The following PTCHD4 variants were observed in gnomAD, a reference collection of about 807,000 sequenced individuals.
PTCHD4 encodes patched domain containing 4, also known as patched domain-containing protein 4.
Under a neutral mutation model 58.1 loss-of-function variants are expected in PTCHD4, and 33 were observed. That is an observed-to-expected ratio of 0.57 (90% confidence interval 0.43 to 0.76). PTCHD4 has a LOEUF of 0.76. Ranked by LOEUF, PTCHD4 falls within the 30% of genes least tolerant of loss-of-function variation. PTCHD4 has a pLI of 0.00. For missense variants in PTCHD4, 1,058 were observed against 1,027.1 expected, an observed-to-expected ratio of 1.03 and a Z score of -0.41; for synonymous variants, 478 against 409.6, an observed-to-expected ratio of 1.17 and a Z score of -2.02.
chr6:47,985,151 T>A lies in PTCHD4; in HGVS notation c.898+23483A>T, dbSNP rs113785091. On this transcript the variant is annotated intron_variant, in intron 4 of 4. Coordinates refer to ENST00000339488, the MANE Select transcript of PTCHD4 (RefSeq NM_001384253.1). ...TTATTCTAAGAAGCTAACTTCTTAC[T>A]GACTCCTGCTTTCTCTATGTATAGC... 4.5e-3 allele frequency among the ~76,000 whole-genome samples: 686 copies of A among 152,282 alleles called. 6 individuals carry two copies. The highest frequency in any genetic ancestry group is 0.015 in the African/African-American group (643 of 41,568).
chr6:47,903,140 T>A (rs1764766107), intron 4 of PTCHD4, among the ~76,000 whole-genome samples: 1 of 152,188 alleles, frequency 6.6e-6, no homozygotes, highest in African/African-American at 2.4e-5. Context: ...TATTCTTAAT[T>A]TGAGCACAAA....
chr6:47,871,910 G>T lies in PTCHD4; in HGVS notation c.*6393C>A, dbSNP rs1328978. Among the ~76,000 whole-genome samples, 1 of 151,598 alleles carries T rather than the reference G, an allele frequency of 6.6e-6. No homozygotes were observed. Among genetic ancestry groups the T allele is most frequent in the East Asian group, 1.9e-4 (1 of 5,136 alleles). ...TTTGCATTGACTAGTTTAAGGTCTA[G>T]TTTATCAGTTTGTAGCACATTTATG... On this transcript the variant is annotated 3_prime_UTR_variant, in exon 5 of 5. Coordinates refer to ENST00000339488, the MANE Select transcript of PTCHD4 (RefSeq NM_001384253.1).
rs1368878101 is a variant in PTCHD4 at position 47,864,036 on chromosome 6, C to A, written c.*14267G>T. 1.3e-5 allele frequency among the ~76,000 whole-genome samples: 2 copies of A among 151,924 alleles called. No homozygotes were observed. The highest frequency in any genetic ancestry group is 4.8e-5 in the African/African-American group (2 of 41,394). ...ACCTTCTTCCCTGGACAGATTTAAT[C>A]CAACTATTCTCAGAATGTCTGTTGC... is the stretch of plus-strand genomic sequence containing the variant. On this transcript the variant is annotated 3_prime_UTR_variant, in exon 5 of 5. Transcript: ENST00000339488.
chr6:48,085,818 G>T (rs996919612), intron 1 of PTCHD4, among the ~76,000 whole-genome samples: 2 of 152,104 alleles, frequency 1.3e-5, no homozygotes, highest in Non-Finnish European at 2.9e-5. Context: ...TCAGATTGCT[G>T]TTTATCTATG....
At chr6:47,882,741 G>GAGATAGATATATATATATATATATAT (rs143060584) in intron 4 of PTCHD4, among the ~76,000 whole-genome samples, 10 of 102,442 alleles carry the variant, frequency 9.8e-5, no homozygotes, top group Middle Eastern at 5.1e-3. Flanking sequence ...TGATTCCAGT[G>GAGATAGATATATATATATATATATAT]ATATATATAT....
rs1763423854 is a variant in PTCHD4 at position 47,861,471 on chromosome 6, G to A, written c.*16832C>T. ...CAAACAAAAAGATGTATACCCTCAA[G>A]GCTGTATCTGCTGTGTTTAATACAC... On this transcript the variant is annotated 3_prime_UTR_variant, in exon 5 of 5. Transcript: ENST00000339488. 6.6e-6 allele frequency among the ~76,000 whole-genome samples: 1 copy of A among 151,798 alleles called. No homozygotes were observed. Among genetic ancestry groups the A allele is most frequent in the Non-Finnish European group, 1.5e-5 (1 of 67,882 alleles).
At chr6:48,015,416 A>G (rs1241317277) in intron 3 of PTCHD4, among the ~76,000 whole-genome samples, 1 of 151,930 alleles carries the variant, frequency 6.6e-6, no homozygotes, top group Admixed American at 6.6e-5. Context: ...TGCTTAGCCC[A>G]TTTCTAGAGG....
At position 47,878,623 on chromosome 6, in the gene PTCHD4, C is replaced by T. The variant is rs185235956; in HGVS notation, c.2212G>A (p.Glu738Lys). 57 of 1,613,572 alleles carry T rather than the reference C, an allele frequency of 3.5e-5. No homozygotes were observed. In the East Asian group the frequency reaches 6.7e-4, roughly 19 times the overall value. Reference sequence around the variant, plus strand: ...TTTATACATTGTGTTCGGGTGTGCTCAGTTGCTAATACAAATGTGAAAAGC... The same window carrying T: ...TTTATACATTGTGTTCGGGTGTGCTTAGTTGCTAATACAAATGTGAAAAGC... ...PLLFTFVLATEHTRTQCIKSS... is the reference protein window; with the variant it reads ...PLLFTFVLATKHTRTQCIKSS... The change falls in exon 5 of 5, where the codon GAG becomes AAG. Residue 738 changes from glutamate (E) to lysine (K), a missense_variant. By Grantham distance (56) the Glu-to-Lys change is moderately conservative. Coordinates refer to ENST00000339488, the MANE Select transcript of PTCHD4 (RefSeq NM_001384253.1).
At chr6:48,007,169 A>G (rs78338160) in intron 4 of PTCHD4, among the ~76,000 whole-genome samples, 9,189 of 152,148 alleles carry the variant, frequency 0.06, 382 homozygotes, top group African/African-American at 0.11. Flanking sequence ...GAACCTGAGC[A>G]AGAGAGGTTG....
At chr6:48,036,065 CT>C (rs1185695832) in intron 3 of PTCHD4, among the ~76,000 whole-genome samples, 1 of 151,974 alleles carries the variant, frequency 6.6e-6, no homozygotes, top group Non-Finnish European at 1.5e-5. Context: ...TTGAGAATCA[CT>C]GTCCTAGAGC....
At chr6:48,072,565 T>C (rs1172095535) in intron 1 of PTCHD4, among the ~76,000 whole-genome samples, 2 of 152,202 alleles carry the variant, frequency 1.3e-5, no homozygotes, top group Admixed American at 1.3e-4. Flanking sequence ...TATTGGAGAA[T>C]GGTACTACAA....
In PTCHD4 at chr6:47,858,670, C is replaced by A. The variant is rs941824499; in HGVS notation, c.*19633G>T. On this transcript the variant is annotated 3_prime_UTR_variant, in exon 5 of 5. Transcript: ENST00000339488. The stretch of plus-strand genomic sequence containing the variant: ...CAATAAGAAATCTGAACACAAGTAA[C>A]AAGGCTACACTGCACTAGCCATCTG... 6.6e-6 allele frequency among the ~76,000 whole-genome samples: 1 copy of A among 151,896 alleles called. No homozygotes were observed. The highest frequency in any genetic ancestry group is 1.5e-5 in the Non-Finnish European group (1 of 67,920).
rs1554149146 is a variant in PTCHD4 at position 47,882,741 on chromosome 6, G to GATAT, written c.899-2809_899-2806dup. ...TGAATCCATTTCTAATGATTCCAGTGATATATATATATATATTCCTTAAAT... is the reference window on the plus strand; with the variant it reads ...TGAATCCATTTCTAATGATTCCAGTGATATATATATATATATATATTCCTTAAAT... On this transcript the variant is annotated intron_variant, in intron 4 of 4. Transcript: ENST00000339488. 2.1e-4 allele frequency among the ~76,000 whole-genome samples: 21 copies of GATAT among 102,376 alleles called. 1 individual carries two copies. Among genetic ancestry groups the GATAT allele is most frequent in the African/African-American group, 6.3e-4 (20 of 31,502 alleles). 67.2% of individuals were successfully genotyped at this position (102,376 alleles called of 152,430 possible). A position where few individuals can be genotyped will look rare whatever the true frequency, so the allele number is the denominator to read the frequency against.
intron 3 of PTCHD4, among the ~76,000 whole-genome samples, chr6:48,035,598 G>A (rs1049704575): frequency 1.3e-5 from 2 of 152,070 alleles, no homozygotes; most frequent in Non-Finnish European, 2.9e-5. Context: ...TTTTAACCAA[G>A]CCTTGGCTTT....
intron 1 of PTCHD4, among the ~76,000 whole-genome samples, chr6:48,101,764 C>G (rs1446245789): frequency 1.3e-5 from 2 of 152,180 alleles, no homozygotes; most frequent in African/African-American, 4.8e-5. Context: ...GTAGGTCCTA[C>G]TGTGGACAAA....
intron 4 of PTCHD4, among the ~76,000 whole-genome samples, chr6:47,940,476 C>A (rs779827906): frequency 6.6e-6 from 1 of 152,104 alleles, no homozygotes; most frequent in Non-Finnish European, 1.5e-5. Context: ...TTTTTCATCT[C>A]CAAAGGGAGT....
At chr6:47,934,648 A>C (rs1485718437) in intron 4 of PTCHD4, among the ~76,000 whole-genome samples, 4 of 152,152 alleles carry the variant, frequency 2.6e-5, no homozygotes, top group Non-Finnish European at 5.9e-5. Context: ...GACTCCTAGA[A>C]CTGTATTTAT....
At chr6:48,101,168 CTG>C (rs1765595058) in intron 1 of PTCHD4, among the ~76,000 whole-genome samples, 1 of 151,804 alleles carries the variant, frequency 6.6e-6, no homozygotes, top group Non-Finnish European at 1.5e-5. Flanking sequence ...AAATGATACA[CTG>C]TTTAAAAATG....
At chr6:47,965,714 G>T (rs756096476) in intron 4 of PTCHD4, among the ~76,000 whole-genome samples, 1 of 152,152 alleles carries the variant, frequency 6.6e-6, no homozygotes, top group Non-Finnish European at 1.5e-5. Flanking sequence ...GGATCACGAG[G>T]TCAGGAAATC....
Sources: gnomAD v4.1 joint callset for allele counts (sites outside exome capture counted in the v4.1 genomes callset) on GRCh38, gnomAD v4.1.1 for gene constraint, MANE v1.5 for transcripts, NCBI Gene and HGNC (gene_info 2026-07-23, HGNC 2026-07-21) for gene names.